The following PDE4D variants were observed in gnomAD, a reference collection of about 807,000 sequenced individuals.
The protein encoded by PDE4D is 3',5'-cyclic-AMP phosphodiesterase 4D.
A neutral mutation model predicts 87.4 loss-of-function variants in PDE4D; 24 were observed. The ratio of observed to expected loss-of-function variants is 0.27; its 90% CI spans 0.20 to 0.39. PDE4D has a LOEUF of 0.39. PDE4D is among the 10% of genes least tolerant of loss of function. The pLI, the probability that PDE4D is intolerant of heterozygous loss-of-function variation, is 1.00. For synonymous variants in PDE4D, 384 were observed against 383.2 expected, an observed-to-expected ratio of 1.00 and a Z score of -0.02; for missense variants, 714 against 1,041.0, an observed-to-expected ratio of 0.69 and a Z score of 4.32.
intron 5 of PDE4D, among the ~76,000 whole-genome samples, chr5:59,071,850 C>T (rs1764876883): frequency 6.6e-6 from 1 of 151,732 alleles, no homozygotes; most frequent in African/African-American, 2.4e-5. Flanking sequence ...CCACGCCCAG[C>T]TAATTTTTTT....
In PDE4D at chr5:59,047,205, C is replaced by T. The variant is rs145086231; in HGVS notation, c.809-8234G>A. 7.1e-3 allele frequency among the ~76,000 whole-genome samples: 1,082 copies of T among 152,222 alleles called. 13 individuals carry two copies. The highest frequency in any genetic ancestry group is 0.024 in the African/African-American group (1,014 of 41,528). On this transcript the variant is annotated intron_variant, in intron 5 of 14. Coordinates refer to ENST00000340635, the MANE Select transcript of PDE4D (RefSeq NM_001104631.2). ...ATTTTAGTGAGCCTATCAACTAATA[C>T]CTAGGTATAACCTCGGGGTCCAGAA...
chr5:59,142,569 T>C (rs1418852417), intron 5 of PDE4D, among the ~76,000 whole-genome samples: 1 of 152,272 alleles, frequency 6.6e-6, no homozygotes, highest in Admixed American at 6.5e-5. Context: ...CGAGCCTTTT[T>C]GAAATCACAC....
At chr5:60,004,568 G>T (rs1006234808) in intron 2 of PDE4D, among the ~76,000 whole-genome samples, 8 of 151,718 alleles carry the variant, frequency 5.3e-5, no homozygotes, top group African/African-American at 1.9e-4. Context: ...CAGATACAAA[G>T]GGCTGAGTGT....
At chr5:59,781,031 T>C (rs764521067) in intron 1 of PDE4D, among the ~76,000 whole-genome samples, 5 of 152,048 alleles carry the variant, frequency 3.3e-5, no homozygotes, top group African/African-American at 4.8e-5. Flanking sequence ...CCACATGTGC[T>C]GGCAGGTGCC....
intron 2 of PDE4D, among the ~76,000 whole-genome samples, chr5:60,069,891 T>G (rs935154281): frequency 1.3e-5 from 2 of 148,276 alleles, no homozygotes; most frequent in Admixed American, 6.6e-5. Flanking sequence ...TTTCACCTTG[T>G]TAGTTAGGTT....
chr5:60,495,631 T>TAG, intron 1 of PDE4D, among the ~76,000 whole-genome samples: 1 of 152,362 alleles, frequency 6.6e-6, no homozygotes, highest in Middle Eastern at 3.4e-3. Context: ...AGATTCTACT[T>TAG]AGACTTGACC....
intron 1 of PDE4D, among the ~76,000 whole-genome samples, chr5:59,634,222 CCA>C (rs1477735377): frequency 2.6e-5 from 4 of 152,172 alleles, no homozygotes; most frequent in African/African-American, 9.6e-5. Context: ...ACAAGAGCAC[CCA>C]GATTCATAAT....
intron 1 of PDE4D, among the ~76,000 whole-genome samples, chr5:60,424,834 G>GTTTTTGTA (rs1561240162): frequency 2.0e-5 from 3 of 152,174 alleles, no homozygotes; most frequent in African/African-American, 7.2e-5. Context: ...CTTCAGCGAA[G>GTTTTTGTA]TCTCAGGATA....
intron 3 of PDE4D, among the ~76,000 whole-genome samples, chr5:59,939,214 T>G (rs1421136618): frequency 1.3e-5 from 2 of 152,210 alleles, no homozygotes; most frequent in Non-Finnish European, 2.9e-5. Context: ...CCAAAATTGA[T>G]GAGTGTAGCT....
chr5:60,414,046 T>C lies in PDE4D; in HGVS notation c.-90+73896A>G, dbSNP rs554699849. On this transcript the variant is annotated intron_variant, in intron 1 of 16. Coordinates refer to the PDE4D transcript ENST00000502484. ...TCTCGACAGATACAATTTCTCCCCT[T>C]TCGAAGGTAAGCAGAAGGGGTCATG... is the stretch of plus-strand genomic sequence containing the variant. Among the ~76,000 whole-genome samples, 8 of 152,292 alleles carry C rather than the reference T, an allele frequency of 5.3e-5. No homozygotes were observed. In the South Asian group the frequency reaches 1.5e-3, roughly 28 times the overall value.
chr5:60,084,210 G>C (rs544388409), intron 2 of PDE4D, among the ~76,000 whole-genome samples: 3 of 152,160 alleles, frequency 2.0e-5, no homozygotes, highest in African/African-American at 7.2e-5. Context: ...CATAGAAATG[G>C]TGTTTTAAAC....
chr5:60,175,836 T>C (rs888319106), intron 2 of PDE4D, among the ~76,000 whole-genome samples: 1 of 152,084 alleles, frequency 6.6e-6, no homozygotes, highest in African/African-American at 2.4e-5. Flanking sequence ...CCTGCAACTT[T>C]CTCCAATTGT....
chr5:60,471,078 T>G (rs1362460215), intron 1 of PDE4D, among the ~76,000 whole-genome samples: 2 of 152,152 alleles, frequency 1.3e-5, no homozygotes, highest in African/African-American at 4.8e-5. Context: ...TTAAAAACAT[T>G]CATGACTCAT....
chr5:59,461,819 A>G (rs951980618), intron 1 of PDE4D, among the ~76,000 whole-genome samples: 14 of 152,144 alleles, frequency 9.2e-5, no homozygotes, highest in African/African-American at 3.4e-4. Flanking sequence ...TCTGGAATCT[A>G]GTTGTCCTTT....
intron 1 of PDE4D, among the ~76,000 whole-genome samples, chr5:59,223,259 T>G (rs565335056): frequency 6.6e-6 from 1 of 152,256 alleles, no homozygotes; most frequent in African/African-American, 2.4e-5. Flanking sequence ...TACCAGGAAG[T>G]GTGGAAGGCT....
intron 2 of PDE4D, among the ~76,000 whole-genome samples, chr5:60,038,641 G>C (rs1768093800): frequency 6.6e-6 from 1 of 151,936 alleles, no homozygotes; most frequent in Non-Finnish European, 1.5e-5. Flanking sequence ...CCATCAGAGT[G>C]AACAGGCAAC....
chr5:60,420,872 A>G (rs1743029618), intron 1 of PDE4D, among the ~76,000 whole-genome samples: 1 of 152,252 alleles, frequency 6.6e-6, no homozygotes, highest in African/African-American at 2.4e-5. Context: ...CCAGCAGACC[A>G]GGAGATTCTC....
rs149301331 is a variant in PDE4D at position 60,419,632 on chromosome 5, A to C, written c.-90+68310T>G. On this transcript the variant is annotated intron_variant, in intron 1 of 16. Transcript: ENST00000502484. ...CAAAAATAAAATGATTAGAATTACAAATTTTTTAAGATAGGCAGAATGCAT... is the reference window on the plus strand; with the variant it reads ...CAAAAATAAAATGATTAGAATTACACATTTTTTAAGATAGGCAGAATGCAT... Among the ~76,000 whole-genome samples, 814 of 152,250 alleles carry C rather than the reference A, an allele frequency of 5.3e-3. 5 individuals are homozygous for C. Among genetic ancestry groups the C allele is most frequent in the African/African-American group, 0.019 (792 of 41,528 alleles).
At chr5:60,267,808 T>C (rs935290889) in intron 1 of PDE4D, among the ~76,000 whole-genome samples, 1 of 152,142 alleles carries the variant, frequency 6.6e-6, no homozygotes, top group African/African-American at 2.4e-5. Flanking sequence ...TTTGCTGTCT[T>C]TTTTGCACCA....
Sources: allele counts gnomAD v4.1 joint callset (sites outside exome capture counted in the v4.1 genomes callset), GRCh38; gene constraint gnomAD v4.1.1; transcripts MANE v1.5; gene names NCBI Gene and HGNC (gene_info 2026-07-23, HGNC 2026-07-21).